The following EVI5 variants were observed in gnomAD, a reference collection of about 807,000 sequenced individuals.
EVI5 encodes ecotropic viral integration site 5 protein homolog.
Under a neutral mutation model 112.0 loss-of-function variants are expected in EVI5, and 73 were observed. That is an observed-to-expected ratio of 0.65 (90% CI 0.54 to 0.79). EVI5 has a LOEUF of 0.79. Among genes scored for constraint, EVI5 ranks in the 30% least tolerant of loss-of-function variants. EVI5 has a pLI of 0.00. For missense variants in EVI5, 900 were observed against 968.8 expected, an observed-to-expected ratio of 0.93 and a Z score of 0.94; for synonymous variants, 305 against 319.9, an observed-to-expected ratio of 0.95 and a Z score of 0.50.
chr1:92,728,541 C>T lies in EVI5; in HGVS notation c.149+7857G>A, dbSNP rs192370582. Among the ~76,000 whole-genome samples the T allele has an allele frequency of 1.6e-4, 25 of 152,280 alleles. No homozygotes were observed. In the East Asian group the frequency reaches 4.1e-3, roughly 25 times the overall value. Reference sequence around the variant, plus strand: ...TAGCTGGGATTACAGGCACCCGCCACCATGCCCAGCTAATTGTTGTATTTT... The same window carrying T: ...TAGCTGGGATTACAGGCACCCGCCATCATGCCCAGCTAATTGTTGTATTTT... On this transcript the variant is annotated intron_variant, in intron 2 of 19. Coordinates refer to ENST00000684568, the MANE Select transcript of EVI5 (RefSeq NM_001350197.2).
intron 18 of EVI5, among the ~76,000 whole-genome samples, chr1:92,592,000 T>C (rs1452596190): frequency 1.3e-5 from 2 of 152,262 alleles, no homozygotes; most frequent in East Asian, 3.9e-4. Context: ...TCCCAGCACT[T>C]TGGGAGGCCA....
At chr1:92,636,598 A>C (rs1160172287) in intron 13 of EVI5, among the ~76,000 whole-genome samples, 1 of 152,242 alleles carries the variant, frequency 6.6e-6, no homozygotes, top group African/African-American at 2.4e-5. Context: ...GATTCATATA[A>C]GATAAACATC....
chr1:92,575,227 C>T (rs142778784), intron 18 of EVI5, among the ~76,000 whole-genome samples: 5 of 152,252 alleles, frequency 3.3e-5, no homozygotes, highest in Admixed American at 6.5e-5. Flanking sequence ...CGTGGGCTTT[C>T]GTTCTTTTGC....
intron 18 of EVI5, among the ~76,000 whole-genome samples, chr1:92,565,473 C>T (rs372956651): frequency 2.6e-5 from 4 of 152,056 alleles, no homozygotes; most frequent in South Asian, 4.1e-4. Flanking sequence ...AGGTTTAAAA[C>T]GTGTCTTACA....
intron 19 of EVI5, among the ~76,000 whole-genome samples, chr1:92,543,880 AC>A (rs1156781466): frequency 6.6e-6 from 1 of 152,234 alleles, no homozygotes; most frequent in African/African-American, 2.4e-5. Flanking sequence ...ACAAACCTTC[AC>A]TTTGTAAAAA....
At chr1:92,574,267 T>C (rs912858049) in intron 18 of EVI5, among the ~76,000 whole-genome samples, 1 of 152,084 alleles carries the variant, frequency 6.6e-6, no homozygotes, top group African/African-American at 2.4e-5. Flanking sequence ...AATCAGTAAA[T>C]GCTGCAATCC....
At chr1:92,746,044 G>T (rs569716876) in intron 1 of EVI5, among the ~76,000 whole-genome samples, 164 of 152,280 alleles carry the variant, frequency 1.1e-3, no homozygotes, top group African/African-American at 3.6e-3. Flanking sequence ...GTAATAAATA[G>T]CTGAGTCTCA....
intron 9 of EVI5, among the ~76,000 whole-genome samples, chr1:92,677,842 C>T (rs1291037644): frequency 1.3e-5 from 2 of 152,132 alleles, no homozygotes; most frequent in Non-Finnish European, 2.9e-5. Context: ...AGTACAGAAT[C>T]CTAGTAGACT....
chr1:92,615,812 G>A (rs143535078), intron 16 of EVI5, among the ~76,000 whole-genome samples: 29 of 152,250 alleles, frequency 1.9e-4, no homozygotes, highest in Admixed American at 5.2e-4. Context: ...CCTAGAGGGT[G>A]AGGTTGAGTG....
chr1:92,720,973 T>A (rs540543458), intron 2 of EVI5, among the ~76,000 whole-genome samples: 1 of 152,316 alleles, frequency 6.6e-6, no homozygotes, highest in East Asian at 1.9e-4. Context: ...CACAATGAGA[T>A]ACCATACCAT....
rs553986564 is a variant in EVI5, at chr1:92,536,855, AT to A, written c.2167-22886del. Among the ~76,000 whole-genome samples the A allele has an allele frequency of 5.1e-4, 78 of 151,522 alleles. 1 individual carries two copies. The highest frequency in any genetic ancestry group is 9.1e-4 in the Non-Finnish European group (62 of 67,820). On this transcript the variant is annotated intron_variant, in intron 19 of 19. Transcript: ENST00000684568. Reference sequence around the variant, plus strand: ...CTGGTAACTTAAAAAATTACAGTTGATTTTTTTTTACACTTGGTTTTAAAGA... The same window carrying A: ...CTGGTAACTTAAAAAATTACAGTTGATTTTTTTTACACTTGGTTTTAAAGA...
At chr1:92,586,231 C>T (rs1468327735) in intron 18 of EVI5, among the ~76,000 whole-genome samples, 1 of 152,074 alleles carries the variant, frequency 6.6e-6, no homozygotes, top group East Asian at 1.9e-4. Context: ...CTCTTTTTGT[C>T]CCCCATACTT....
chr1:92,583,727 C>A (rs964439490), intron 18 of EVI5, among the ~76,000 whole-genome samples: 1 of 149,284 alleles, frequency 6.7e-6, no homozygotes, highest in Non-Finnish European at 1.5e-5. Context: ...CCTTCTCTCT[C>A]TCTCTCTTTT....
intron 19 of EVI5, among the ~76,000 whole-genome samples, chr1:92,560,556 T>C (rs979739798): frequency 3.3e-5 from 5 of 152,092 alleles, no homozygotes; most frequent in Non-Finnish European, 5.9e-5. Context: ...AACTTTTTTT[T>C]CTTTTTTTTT....
chr1:92,772,453 G>C (rs1346472151), intron 1 of EVI5, among the ~76,000 whole-genome samples: 1 of 151,640 alleles, frequency 6.6e-6, no homozygotes, highest in Non-Finnish European at 1.5e-5. Flanking sequence ...AAAATTAGCC[G>C]GGCTTGGTGG....
intron 15 of EVI5, among the ~76,000 whole-genome samples, chr1:92,625,370 G>C (rs538131621): frequency 2.6e-5 from 4 of 152,134 alleles, no homozygotes; most frequent in East Asian, 3.9e-4. Flanking sequence ...TCACATACCA[G>C]ATAAATGTCA....
chr1:92,539,605 A>G (rs1232628167), intron 19 of EVI5, among the ~76,000 whole-genome samples: 3 of 151,942 alleles, frequency 2.0e-5, no homozygotes, highest in South Asian at 2.1e-4. Flanking sequence ...CTATGTTTAT[A>G]CATAAAATAT....
chr1:92,632,343 T>A (rs1306256777), intron 14 of EVI5, among the ~76,000 whole-genome samples: 1 of 152,190 alleles, frequency 6.6e-6, no homozygotes, highest in Non-Finnish European at 1.5e-5. Flanking sequence ...CTATTAATTA[T>A]TGCCTCAATT....
intron 1 of EVI5, among the ~76,000 whole-genome samples, chr1:92,750,804 G>A (rs1165232970): frequency 6.6e-6 from 1 of 151,932 alleles, no homozygotes; most frequent in Non-Finnish European, 1.5e-5. Flanking sequence ...CATCAACCTT[G>A]CCCACCATAA....
Sources: gnomAD v4.1 joint callset for allele counts (sites outside exome capture counted in the v4.1 genomes callset) on GRCh38, gnomAD v4.1.1 for gene constraint, MANE v1.5 for transcripts, NCBI Gene and HGNC (gene_info 2026-07-23, HGNC 2026-07-21) for gene names.